TLN2: variants seen among roughly 807,000 people sequenced by gnomAD.
The protein encoded by TLN2 is talin-2.
In TLN2, 118 loss-of-function variants were observed where a neutral mutation model predicts 294.7. The ratio of observed to expected loss-of-function variants is 0.40; its 90% confidence interval spans 0.34 to 0.47. The LOEUF (loss-of-function observed/expected upper bound fraction) is 0.47. TLN2 is among the 20% of genes least tolerant of loss of function. The pLI, the probability that TLN2 is intolerant of heterozygous loss-of-function variation, is 0.84. For missense variants in TLN2, 3,083 were observed against 3,282.2 expected, an observed-to-expected ratio of 0.94 and a Z score of 1.48; for synonymous variants, 1,431 against 1,304.5, an observed-to-expected ratio of 1.10 and a Z score of -2.09.
intron 2 of TLN2, among the ~76,000 whole-genome samples, chr15:62,594,441 C>T (rs147532899): frequency 3.2e-4 from 48 of 152,268 alleles, no homozygotes; most frequent in African/African-American, 1.1e-3. Context: ...CTCCTAGGCT[C>T]AAGTGATCCT....
intron 1 of TLN2, among the ~76,000 whole-genome samples, chr15:62,495,468 G>T (rs971035204): frequency 2.6e-5 from 4 of 152,212 alleles, no homozygotes; most frequent in Non-Finnish European, 5.9e-5. Context: ...TCCAAGATTA[G>T]GGGTAAAGTG....
intron 1 of TLN2, among the ~76,000 whole-genome samples, chr15:62,530,184 C>G (rs1315559257): frequency 2.6e-5 from 4 of 152,204 alleles, no homozygotes; most frequent in East Asian, 1.9e-4. Flanking sequence ...GAGCGAGACT[C>G]TGTCTCAAAA....
chr15:62,603,481 C>T (rs1219582217), intron 2 of TLN2, among the ~76,000 whole-genome samples: 1 of 152,186 alleles, frequency 6.6e-6, no homozygotes, highest in African/African-American at 2.4e-5. Flanking sequence ...GTATCTGCCT[C>T]TTCCTCCATT....
intron 54 of TLN2, among the ~76,000 whole-genome samples, chr15:62,826,587 G>C (rs1023098402): frequency 1.3e-5 from 2 of 152,162 alleles, no homozygotes; most frequent in African/African-American, 4.8e-5. Context: ...CCCATCCATG[G>C]GTCCTCCAGA....
At chr15:62,838,668 G>A (rs1239093529) in intron 57 of TLN2, among the ~76,000 whole-genome samples, 188 bp from the exon 58 acceptor site, 1 of 149,236 alleles carries the variant, frequency 6.7e-6, no homozygotes, top group Non-Finnish European at 1.5e-5. Flanking sequence ...TGACCAGGTA[G>A]GTTCCAGTGT....
rs10634187 is a variant in TLN2, at chr15:62,664,857, C to CAAAAAAAAAAAAAAAAAA, written c.788+6963_788+6980dup. On this transcript the variant is annotated intron_variant, in intron 9 of 58. Transcript: ENST00000636159. ...CTGGGCAACAAGAGGGAAACTGTCT[C>CAAAAAAAAAAAAAAAAAA]AAAAAAAAAAAAAAAAAAAAAGTGG... 4.8e-4 allele frequency among the ~76,000 whole-genome samples: 14 copies of CAAAAAAAAAAAAAAAAAA among 29,232 alleles called. 1 individual carries two copies. Among genetic ancestry groups the CAAAAAAAAAAAAAAAAAA allele is most frequent in the African/African-American group, 1.7e-3 (13 of 7,746 alleles). 19.2% of individuals were successfully genotyped at this position (29,232 alleles called of 152,430 possible). A position where few individuals can be genotyped will look rare whatever the true frequency, so the allele number is the denominator to read the frequency against.
In TLN2 at chr15:62,737,386, A is replaced by C. The variant is rs7170540; in HGVS notation, c.3567+300A>C. ...GACATAACATGCTTGTTTTGGGCCT[A>C]TGTGTGCTGAGCTATATTGCTGTTC... On this transcript the variant is annotated intron_variant, in intron 29 of 58. Transcript: ENST00000636159. Among the ~76,000 whole-genome samples, 653 of 152,288 alleles carry C rather than the reference A, an allele frequency of 4.3e-3. 4 individuals are homozygous for C. The highest frequency in any genetic ancestry group is 0.015 in the African/African-American group (628 of 41,550).
chr15:62,697,922 A>G, intron 15 of TLN2, 54 bp downstream of exon 15: 19 of 1,582,052 alleles, frequency 1.2e-5, no homozygotes, highest in Middle Eastern at 2.2e-4. Context: ...TCCCGCATGC[A>G]GGGTGGACAC....
At chr15:62,812,242 G>A (rs976914397) in intron 52 of TLN2, among the ~76,000 whole-genome samples, 2 of 152,002 alleles carry the variant, frequency 1.3e-5, no homozygotes, top group East Asian at 3.9e-4. Flanking sequence ...GGAGATACAG[G>A]GATCCTCGTA....
In TLN2 at chr15:62,796,225, C is replaced by T. The variant is rs144521176; in HGVS notation, c.5982C>T (p.Asp1994=). ...TAVSGIIADL[D]TTIMFATAGT... ...TGTCTGGGATCATTGCCGACCTGGACACCACCATTATGTTTGCAACAGCGG... is the reference window on the plus strand; with the variant it reads ...TGTCTGGGATCATTGCCGACCTGGATACCACCATTATGTTTGCAACAGCGG... The change falls in exon 47 of 59, where the codon GAC becomes GAT. Residue 1994 remains aspartate, a synonymous_variant. Transcript: ENST00000636159. 9.9e-5 allele frequency: 159 copies of T among 1,614,208 alleles called. No homozygotes were observed. The African/African-American group carries it at 1.9e-3, about 19-fold the overall frequency.
At chr15:62,837,117 T>A (rs7164699) in intron 57 of TLN2, among the ~76,000 whole-genome samples, 51,678 of 152,170 alleles carry the variant, frequency 0.34, 10,398 homozygotes, top group African/African-American at 0.56. Context: ...ATCAGTCATG[T>A]AGCAAATCAT....
At chr15:62,487,861 C>T (rs973007017) in intron 1 of TLN2, among the ~76,000 whole-genome samples, 1 of 151,962 alleles carries the variant, frequency 6.6e-6, no homozygotes, top group Admixed American at 6.6e-5. Flanking sequence ...TGAGATCGCA[C>T]CACTGCACTC....
intron 2 of TLN2, among the ~76,000 whole-genome samples, chr15:62,615,254 G>A (rs985052648): frequency 1.3e-5 from 2 of 152,150 alleles, no homozygotes. Context: ...TTCTTTTTTA[G>A]CAATGCACAC....
intron 1 of TLN2, among the ~76,000 whole-genome samples, chr15:62,525,136 C>A (rs1199198858): frequency 1.3e-5 from 2 of 152,236 alleles, no homozygotes; most frequent in Non-Finnish European, 2.9e-5. Flanking sequence ...ACGATTCCTT[C>A]CCTGAGCTGT....
chr15:62,415,130 A>G (rs909921624), intron 1 of TLN2, among the ~76,000 whole-genome samples: 3 of 140,660 alleles, frequency 2.1e-5, no homozygotes, highest in African/African-American at 7.6e-5. Flanking sequence ...GCTGGTCTCA[A>G]ACTCCTGACC....
intron 3 of TLN2, among the ~76,000 whole-genome samples, chr15:62,633,725 A>C (rs1567226147): frequency 6.6e-6 from 1 of 152,172 alleles, no homozygotes; most frequent in Non-Finnish European, 1.5e-5. Context: ...TTAATATCCT[A>C]ATTGGGCCTG....
At chr15:62,715,973 A>G (rs1456553418) in intron 22 of TLN2, among the ~76,000 whole-genome samples, 2 of 152,190 alleles carry the variant, frequency 1.3e-5, no homozygotes, top group African/African-American at 2.4e-5. Flanking sequence ...TTACTGTGTC[A>G]TGCCAATGAA....
intron 1 of TLN2, among the ~76,000 whole-genome samples, chr15:62,497,842 T>C (rs2039088767): frequency 6.6e-6 from 1 of 152,180 alleles, no homozygotes. Context: ...TGGCTGCTTT[T>C]ATGTTATATA....
intron 1 of TLN2, among the ~76,000 whole-genome samples, chr15:62,469,606 C>T (rs976169482): frequency 6.6e-5 from 10 of 152,128 alleles, no homozygotes; most frequent in African/African-American, 2.4e-4. Flanking sequence ...GTGGAGTGTG[C>T]AAAGAAAAAC....
Sources: gnomAD v4.1 joint callset for allele counts (sites outside exome capture counted in the v4.1 genomes callset) on GRCh38, gnomAD v4.1.1 for gene constraint, MANE v1.5 for transcripts, NCBI Gene and HGNC (gene_info 2026-07-23, HGNC 2026-07-21) for gene names.